The following LIPG variants were observed in gnomAD, a reference collection of about 807,000 sequenced individuals.
LIPG encodes lipase G, endothelial type, also known as endothelial lipase.
A neutral mutation model predicts 51.8 loss-of-function variants in LIPG; 34 were observed. The observed-to-expected ratio is 0.66, with a 90% CI of 0.50 to 0.87. The LOEUF is 0.87. Among genes scored for constraint, LIPG ranks in the 40% least tolerant of loss-of-function variants. The pLI, the probability that LIPG is intolerant of heterozygous loss-of-function variation, is 0.00. For synonymous variants in LIPG, 246 were observed against 246.1 expected (o/e 1.00, Z 0.00); for missense variants, 580 against 652.7 (o/e 0.89, Z 1.21).
chr18:49,575,686 A>T (rs2084708679), intron 5 of LIPG, 96 bp downstream of exon 5: 7 of 987,694 alleles, frequency 7.1e-6, no homozygotes, highest in Admixed American at 2.0e-5. Flanking sequence ...CTATTTATTC[A>T]TTATTCTCAC....
chr18:49,561,678 T>C (rs1214951158), upstream of LIPG: 1 of 1,242,608 alleles, frequency 8.0e-7, no homozygotes, highest in Admixed American at 3.8e-5. Context: ...CTTTGAGCCT[T>C]GGAGAGGATG....
chr18:49,578,544 C>T (rs2084758477), intron 5 of LIPG, among the ~76,000 whole-genome samples: 1 of 147,712 alleles, frequency 6.8e-6, no homozygotes, highest in Non-Finnish European at 1.5e-5. Context: ...CCAGACTGGG[C>T]AGCCAGGCAG....
chr18:49,564,331 G>A (rs970757482), intron 1 of LIPG, among the ~76,000 whole-genome samples: 1 of 152,188 alleles, frequency 6.6e-6, no homozygotes, highest in East Asian at 1.9e-4. Context: ...AAAGAGTGCT[G>A]GGTGGGGTCC....
At chr18:49,568,479 C>T (rs2084630224) in intron 3 of LIPG, among the ~76,000 whole-genome samples, 2 of 152,200 alleles carry the variant, frequency 1.3e-5, no homozygotes, top group African/African-American at 4.8e-5. Flanking sequence ...CTCCTGGGTT[C>T]AAGCAATTCT....
At chr18:49,580,811 A>G (rs2084811118) in intron 5 of LIPG, among the ~76,000 whole-genome samples, 1 of 152,146 alleles carries the variant, frequency 6.6e-6, no homozygotes, top group Non-Finnish European at 1.5e-5. Flanking sequence ...GCATCACCCT[A>G]CTTAGCACTT....
chr18:49,586,756 T>G lies in LIPG; in HGVS notation c.1387T>G (p.Cys463Gly). ...TCTTTTCCCTCCTAGACTGACATTTTGTACAGAAGACCCTGAGAACACCAG... is the reference window on the plus strand; with the variant it reads ...TCTTTTCCCTCCTAGACTGACATTTGGTACAGAAGACCCTGAGAACACCAG... The part of the protein sequence containing the change: ...SGETQRKLTF[C>G]TEDPENTSIS... Residue 463 changes from cysteine (C) to glycine (G), a missense_variant, in exon 9 of 10, where the codon TGT (cysteine) becomes GGT (glycine). Coordinates refer to ENST00000261292, the MANE Select transcript of LIPG (RefSeq NM_006033.4). 1.2e-6 allele frequency: 2 copies of G among 1,613,734 alleles called. No individual in the cohort carries two copies. The highest frequency in any genetic ancestry group is 1.7e-6 in the Non-Finnish European group (2 of 1,179,628).
At chr18:49,572,730 TAAAAAAA>T (rs149836695) in intron 4 of LIPG, among the ~76,000 whole-genome samples, 28 of 130,882 alleles carry the variant, frequency 2.1e-4, no homozygotes, top group Admixed American at 1.5e-3. Flanking sequence ...GACCCTGTCT[TAAAAAAA>T]AAAAAAAAAA....
intron 1 of LIPG, among the ~76,000 whole-genome samples, chr18:49,563,957 T>C (rs1427868698): frequency 6.6e-6 from 1 of 152,180 alleles, no homozygotes; most frequent in Non-Finnish European, 1.5e-5. Flanking sequence ...AGTGGCTATC[T>C]GGGTAGAAGG....
chr18:49,561,973 C>A, upstream of LIPG: 2 of 1,387,842 alleles, frequency 1.4e-6, no homozygotes, highest in South Asian at 3.7e-5. Context: ...AGCCCAGAGA[C>A]GGGAATAAAT....
chr18:49,565,140 C>T (rs188402854), intron 1 of LIPG, among the ~76,000 whole-genome samples, 177 bp from the exon 2 acceptor site: 1 of 152,118 alleles, frequency 6.6e-6, no homozygotes, highest in African/African-American at 2.4e-5. Flanking sequence ...ATGAGATGTC[C>T]TTTTTTATAA....
intron 2 of LIPG, among the ~76,000 whole-genome samples, chr18:49,566,608 G>A (rs979213218): frequency 1.8e-4 from 27 of 152,318 alleles, no homozygotes; most frequent in African/African-American, 6.5e-4. Flanking sequence ...ATTCTGAGTT[G>A]TAATTTGGGA....
At chr18:49,587,930 A>G (rs1310810904) in intron 9 of LIPG, among the ~76,000 whole-genome samples, 1 of 152,094 alleles carries the variant, frequency 6.6e-6, no homozygotes, top group African/African-American at 2.4e-5. Flanking sequence ...CTGGGACCAC[A>G]GGCACTTGCC....
At position 49,590,663 on chromosome 18, in the gene LIPG, C is replaced by G; in HGVS notation, c.*141C>G. ...CTGGAGCACTGGGAACAACTGGTCTCCTGTGATGGCTGGGACTCCTCGCGG... is the reference window on the plus strand; with the variant it reads ...CTGGAGCACTGGGAACAACTGGTCTGCTGTGATGGCTGGGACTCCTCGCGG... On this transcript the variant is annotated 3_prime_UTR_variant, in exon 10 of 10. Transcript: ENST00000261292. The G allele has an allele frequency of 1.1e-6, 1 of 872,172 alleles. No homozygotes were observed. The highest frequency in any genetic ancestry group is 1.9e-6 in the Non-Finnish European group (1 of 535,604). 54.0% of individuals were successfully genotyped at this position (872,172 alleles called of 1,614,324 possible). A position where few individuals can be genotyped will look rare whatever the true frequency, so the allele number is the denominator to read the frequency against.
At chr18:49,575,327 C>T in intron 4 of LIPG, 42 bp from the exon 5 acceptor site, 1 of 1,542,032 alleles carries the variant, frequency 6.5e-7, no homozygotes, top group Non-Finnish European at 8.9e-7. Flanking sequence ...TGACCAGGTG[C>T]ACCTGACACC....
At position 49,575,520 on chromosome 18, in the gene LIPG, C is replaced by G. The variant is rs868704559; in HGVS notation, c.723C>G (p.Ile241Met). The G allele has an allele frequency of 1.2e-6, 2 of 1,614,196 alleles. No individual in the cohort carries two copies. Among genetic ancestry groups the G allele is most frequent in the Middle Eastern group, 3.3e-4 (2 of 6,060 alleles). ...GIQMPVGHID[I>M]YPNGGDFQPG... ...AGATGCCTGTGGGCCACATTGACAT[C>G]TACCCCAATGGGGGTGACTTCCAGC... The change falls in exon 5 of 10, where the codon ATC (isoleucine) becomes ATG (methionine). Residue 241 changes from isoleucine (I) to methionine (M), a missense_variant. Coordinates refer to ENST00000261292, the MANE Select transcript of LIPG (RefSeq NM_006033.4).
chr18:49,562,467 G>A, intron 1 of LIPG, 62 bp downstream of exon 1: 1 of 1,410,246 alleles, frequency 7.1e-7, no homozygotes, highest in South Asian at 1.2e-5. Context: ...CCTCTGTCTT[G>A]CTGATTCTTC....
In LIPG at chr18:49,583,684, A is replaced by C. The variant is rs1421347113; in HGVS notation, c.1286A>C (p.Glu429Ala). The C allele has an allele frequency of 6.2e-7, 1 of 1,614,160 alleles. No individual in the cohort carries two copies. Residue 429 changes from glutamate (E) to alanine (A), a missense_variant, in exon 8 of 10, where the codon GAG becomes GCG. Glu to Ala is a moderately radical substitution (Grantham distance 107). Coordinates refer to ENST00000261292, the MANE Select transcript of LIPG (RefSeq NM_006033.4). ...ASQSWYNLWK[E>A]FRSYLSQPRN... Reference sequence around the variant, plus strand: ...CAGTCTTGGTACAACCTGTGGAAGGAGTTTCGCAGCTACCTGTCTCAACCC... The same window carrying C: ...CAGTCTTGGTACAACCTGTGGAAGGCGTTTCGCAGCTACCTGTCTCAACCC...
At chr18:49,579,200 G>C (rs1339002351) in intron 5 of LIPG, among the ~76,000 whole-genome samples, 3 of 19,884 alleles carry the variant, frequency 1.5e-4, no homozygotes, top group Non-Finnish European at 2.4e-4. Flanking sequence ...GAGAGGGAGA[G>C]GGAGAGGGAG....
At chr18:49,561,754 A>T (rs112279700), upstream of LIPG, 1 of 1,243,872 alleles carries the variant, frequency 8.0e-7, no homozygotes. Context: ...CGCCTCCGCC[A>T]CTTGGGATGG....
Sources: gnomAD v4.1 joint callset for allele counts (sites outside exome capture counted in the v4.1 genomes callset) on GRCh38, gnomAD v4.1.1 for gene constraint, MANE v1.5 for transcripts, NCBI Gene and HGNC (gene_info 2026-07-23, HGNC 2026-07-21) for gene names.